The following SLC16A12 variants were observed in gnomAD, a reference collection of about 807,000 sequenced individuals.
SLC16A12 encodes the protein solute carrier family 16 member 12, also known as monocarboxylate transporter 12.
A neutral mutation model predicts 42.4 loss-of-function variants in SLC16A12; 17 were observed. That is an observed-to-expected ratio of 0.40 (90% CI 0.27 to 0.60). The LOEUF is 0.60. Ranked by LOEUF, SLC16A12 falls within the 20% of genes least tolerant of loss-of-function variation. The pLI, the probability that SLC16A12 is intolerant of heterozygous loss-of-function variation, is 0.42. For missense variants in SLC16A12, 544 were observed against 623.0 expected (o/e 0.87, Z 1.35); for synonymous variants, 224 against 229.4 (o/e 0.98, Z 0.21).
Position 89,441,156 on chromosome 10 carries a change from A to T in SLC16A12, c.400T>A (p.Phe134Ile). The T allele has an allele frequency of 6.2e-7, 1 of 1,613,956 alleles. No homozygotes were observed. The highest frequency in any genetic ancestry group is 8.5e-7 in the Non-Finnish European group (1 of 1,179,864). ...LASTGLILSS[F>I]ATSLKHLYLT... is the part of the protein sequence containing the mutation. ...TAGAGATGCTTCAGACTCGTGGCAAATGAGCTCAGGATGAGTCCAGTAGAT... is the reference window on the plus strand; with the variant it reads ...TAGAGATGCTTCAGACTCGTGGCAATTGAGCTCAGGATGAGTCCAGTAGAT... The change falls in exon 5 of 8, where the codon TTT becomes ATT. Residue 134 changes from phenylalanine to isoleucine, a missense_variant. Transcript: ENST00000371790.
rs773154627 is a variant in SLC16A12 at position 89,433,276 on chromosome 10, C to T, written c.1339G>A (p.Gly447Arg). 8 of 1,614,164 alleles carry T rather than the reference C, an allele frequency of 5.0e-6. No homozygotes were observed. In the South Asian group the frequency reaches 5.5e-5, roughly 11 times the overall value. Residue 447 changes from glycine (G) to arginine (R), a missense_variant, in exon 8 of 8, where the codon GGA becomes AGA. Transcript: ENST00000371790. ...GSYTAAFLLC[G>R]FSMIFSSVLL... ...ACAGAACTAAATATCATTGAAAATC[C>T]ACAGAGGAGGAATGCTGCAGTGTAG...
At chr10:89,517,966 GA>G (rs1843282972) in intron 2 of SLC16A12, among the ~76,000 whole-genome samples, 1 of 152,084 alleles carries the variant, frequency 6.6e-6, no homozygotes, top group Non-Finnish European at 1.5e-5. Flanking sequence ...AATAAGGAGG[GA>G]AAAAAGGGCA....
At chr10:89,517,698 G>A (rs1007785856) in intron 2 of SLC16A12, among the ~76,000 whole-genome samples, 5 of 152,028 alleles carry the variant, frequency 3.3e-5, no homozygotes, top group Admixed American at 6.6e-5. Context: ...AAACAGGGGC[G>A]GTTGGGCAGT....
chr10:89,536,487 T>A (rs1054917898), upstream of SLC16A12, among the ~76,000 whole-genome samples: 1 of 151,988 alleles, frequency 6.6e-6, no homozygotes, highest in Non-Finnish European at 1.5e-5. Context: ...GAGTGAGGTG[T>A]AGGCGCCCGG....
chr10:89,444,364 TATAATA>T (rs1311474618), intron 3 of SLC16A12, among the ~76,000 whole-genome samples: 1 of 152,044 alleles, frequency 6.6e-6, no homozygotes, highest in Non-Finnish European at 1.5e-5. Context: ...TTCTGAGGGA[TATAATA>T]ATAATAGATA....
intron 2 of SLC16A12, among the ~76,000 whole-genome samples, chr10:89,546,469 A>G (rs1376961753): frequency 6.6e-6 from 1 of 152,262 alleles, no homozygotes; most frequent in East Asian, 1.9e-4. Flanking sequence ...AATGCAAATC[A>G]AAACCACAAT....
intron 2 of SLC16A12, among the ~76,000 whole-genome samples, chr10:89,507,579 C>A (rs1843084849): frequency 6.6e-6 from 1 of 152,174 alleles, no homozygotes; most frequent in African/African-American, 2.4e-5. Context: ...CTGAAGGAAG[C>A]ACTAAACATG....
chr10:89,443,842 A>T lies in SLC16A12; in HGVS notation c.218T>A (p.Phe73Tyr). The change falls in exon 4 of 8, where the codon TTT (phenylalanine) becomes TAT (tyrosine). Residue 73 changes from phenylalanine (F) to tyrosine (Y), a missense_variant. Physicochemically the swap from Phe to Tyr is conservative, Grantham distance 22. Transcript: ENST00000371790. ...AGTGAAGTATGTCTGGAACTCCACA[A>T]AAAAAATTGAGATACATCTGAAAAA... ...RAVTRCISIF[F>Y]VEFQTYFTQD... 6.2e-7 allele frequency: 1 copy of T among 1,611,782 alleles called. No homozygotes were observed. Among genetic ancestry groups the T allele is most frequent in the Non-Finnish European group, 8.5e-7 (1 of 1,177,840 alleles).
chr10:89,509,386 T>G (rs942701810), intron 2 of SLC16A12, among the ~76,000 whole-genome samples: 2 of 152,200 alleles, frequency 1.3e-5, no homozygotes, highest in African/African-American at 2.4e-5. Context: ...ATCAAAAAGC[T>G]TATCCGCCAT....
At position 89,469,189 on chromosome 10, in the gene SLC16A12, C is replaced by T. The variant is rs1842454874; in HGVS notation, c.-46-6565G>A. 3.9e-5 allele frequency among the ~76,000 whole-genome samples: 6 copies of T among 152,118 alleles called. 1 individual carries two copies. The South Asian group carries it at 1.2e-3, about 32-fold the overall frequency. On this transcript the variant is annotated intron_variant, in intron 2 of 7. Transcript: ENST00000371790. Reference sequence around the variant, plus strand: ...CCAATTCATATTATTTTGACATCAACGACTGATGAATTTTACTCATCAAAT... The same window carrying T: ...CCAATTCATATTATTTTGACATCAATGACTGATGAATTTTACTCATCAAAT...
intron 2 of SLC16A12, among the ~76,000 whole-genome samples, chr10:89,486,666 A>AGAAAGAAAGAAC (rs1564586002): frequency 9.7e-5 from 11 of 113,072 alleles, no homozygotes; most frequent in African/African-American, 3.7e-4. Context: ...AAAGAAAGAA[A>AGAAAGAAAGAAC]AGAAAGAAAG....
intron 3 of SLC16A12, 125 bp downstream of exon 3, chr10:89,462,254 T>TAC (rs1842312655): frequency 1.5e-6 from 2 of 1,351,000 alleles, no homozygotes; most frequent in South Asian, 1.3e-5. Context: ...TCAACGGAAA[T>TAC]ACACACACAC....
intron 2 of SLC16A12, among the ~76,000 whole-genome samples, chr10:89,500,709 T>C (rs973979751): frequency 6.6e-6 from 1 of 152,182 alleles, no homozygotes; most frequent in Non-Finnish European, 1.5e-5. Context: ...GGGGAAAAGT[T>C]GAAAGCATTC....
At chr10:89,438,059 CA>C (rs1841832012) in intron 6 of SLC16A12, among the ~76,000 whole-genome samples, 1 of 152,028 alleles carries the variant, frequency 6.6e-6, no homozygotes, top group East Asian at 1.9e-4. Context: ...CACACCCAGC[CA>C]AAAGTTGTCT....
intron 2 of SLC16A12, among the ~76,000 whole-genome samples, chr10:89,493,880 TA>T: frequency 6.6e-6 from 1 of 152,186 alleles, no homozygotes; most frequent in South Asian, 2.1e-4. Flanking sequence ...CCTACCAAGG[TA>T]ATTTTGTCAA....
intron 2 of SLC16A12, among the ~76,000 whole-genome samples, chr10:89,516,104 C>G (rs1264788159): frequency 6.6e-6 from 1 of 152,166 alleles, no homozygotes; most frequent in Non-Finnish European, 1.5e-5. Context: ...AGGAACACAC[C>G]GGTGTGTCCG....
chr10:89,555,972 G>C (rs1380431736), exon 2 of SLC16A12: 1 of 151,630 alleles, frequency 6.6e-6, no homozygotes, highest in Non-Finnish European at 1.5e-5. Context: ...GAGCAAAACA[G>C]GCAGGGCTCC....
intron 3 of SLC16A12, among the ~76,000 whole-genome samples, chr10:89,454,002 T>C (rs1259286585): frequency 6.6e-6 from 1 of 152,086 alleles, no homozygotes; most frequent in Non-Finnish European, 1.5e-5. Context: ...TTTTTACTTT[T>C]ATTGCCTCCC....
chr10:89,519,499 G>A (rs1329331821), intron 2 of SLC16A12, among the ~76,000 whole-genome samples: 2 of 152,106 alleles, frequency 1.3e-5, no homozygotes, highest in Non-Finnish European at 1.5e-5. Context: ...CCGGAACTAT[G>A]AATAAAAAAC....
Sources: allele counts gnomAD v4.1 joint callset (sites outside exome capture counted in the v4.1 genomes callset), GRCh38; gene constraint gnomAD v4.1.1; transcripts MANE v1.5; gene names NCBI Gene and HGNC (gene_info 2026-07-23, HGNC 2026-07-21).